Variants in UBE2K observed in about 807,000 individuals in gnomAD.
The protein encoded by UBE2K is ubiquitin conjugating enzyme E2 K.
In UBE2K, 6 loss-of-function variants were observed where a neutral mutation model predicts 30.0. The observed-to-expected ratio is 0.20, with a 90% CI of 0.11 to 0.39. The LOEUF is 0.39. Ranked by LOEUF, UBE2K falls within the 10% of genes least tolerant of loss-of-function variation. The probability of loss-of-function intolerance (pLI) is 1.00; values close to 1 mark genes in which losing one functional copy is unlikely to be tolerated. For missense variants in UBE2K, 61 were observed against 241.6 expected, an observed-to-expected ratio of 0.25 and a Z score of 4.96; for synonymous variants, 86 against 83.7, an observed-to-expected ratio of 1.03 and a Z score of -0.15.
At chr4:39,753,060 A>G (rs1010047303) in intron 3 of UBE2K, among the ~76,000 whole-genome samples, 11 of 152,188 alleles carry the variant, frequency 7.2e-5, no homozygotes, top group Non-Finnish European at 1.6e-4. Context: ...CTCAACCTGT[A>G]TTAAGATGTG....
chr4:39,743,740 T>C (rs1720832231), intron 2 of UBE2K, among the ~76,000 whole-genome samples: 2 of 152,258 alleles, frequency 1.3e-5, no homozygotes, highest in Admixed American at 6.5e-5. Context: ...AATATTTCAA[T>C]AGAACAGTTT....
intron 4 of UBE2K, among the ~76,000 whole-genome samples, chr4:39,760,805 A>G (rs957115462): frequency 2.0e-5 from 3 of 151,752 alleles, no homozygotes; most frequent in Non-Finnish European, 1.5e-5. Flanking sequence ...AAAAATTAAA[A>G]CAAATAAAAA....
At chr4:39,756,037 A>C (rs558795175) in intron 4 of UBE2K, among the ~76,000 whole-genome samples, 1 of 152,366 alleles carries the variant, frequency 6.6e-6, no homozygotes, top group East Asian at 1.9e-4. Context: ...TTTGTGAAAG[A>C]CTAAAAAAGT....
intron 4 of UBE2K, among the ~76,000 whole-genome samples, chr4:39,757,834 C>G (rs1000376429): frequency 6.6e-6 from 1 of 152,166 alleles, no homozygotes; most frequent in Non-Finnish European, 1.5e-5. Context: ...CTTTCCTATG[C>G]TCACTCCCAG....
intron 2 of UBE2K, 62 bp downstream of exon 2, chr4:39,737,575 C>A: frequency 9.3e-7 from 1 of 1,078,450 alleles, no homozygotes. Flanking sequence ...AACATTTAAT[C>A]AGAATAATCT....
At chr4:39,716,474 C>A (rs1482544101) in intron 1 of UBE2K, among the ~76,000 whole-genome samples, 5 of 152,158 alleles carry the variant, frequency 3.3e-5, no homozygotes, top group African/African-American at 4.8e-5. Flanking sequence ...GTCTCAAACT[C>A]CTAGGCTCAA....
intron 4 of UBE2K, 84 bp downstream of exon 4, chr4:39,755,823 C>A: frequency 1.0e-6 from 1 of 1,001,576 alleles, no homozygotes; most frequent in African/African-American, 1.7e-5. Context: ...TGCCTCAAAA[C>A]ATATATTATA....
At chr4:39,739,033 CTT>C (rs34727929) in intron 2 of UBE2K, among the ~76,000 whole-genome samples, 2,698 of 146,984 alleles carry the variant, frequency 0.018, 83 homozygotes, top group African/African-American at 0.064. Context: ...ACCCAAAACA[CTT>C]TTTTTTTTTT....
chr4:39,735,763 TAAG>T (rs1159183451), intron 1 of UBE2K, among the ~76,000 whole-genome samples: 1 of 152,186 alleles, frequency 6.6e-6, no homozygotes, highest in Non-Finnish European at 1.5e-5. Context: ...TTTTAGGGCA[TAAG>T]AAGTAGTTTC....
chr4:39,771,482 T>G, intron 4 of UBE2K: 1 of 1,505,758 alleles, frequency 6.6e-7, no homozygotes, highest in Non-Finnish European at 8.8e-7. Context: ...GCGCTGTTTT[T>G]TTTTAATCCC....
intron 4 of UBE2K, 120 bp downstream of exon 4, chr4:39,755,859 T>C (rs1220277416): frequency 5.2e-6 from 3 of 582,104 alleles, no homozygotes; most frequent in African/African-American, 5.9e-5. Context: ...GCAGTAACTT[T>C]AAAAGTCTCT....
intron 1 of UBE2K, among the ~76,000 whole-genome samples, chr4:39,722,673 A>G (rs1164863568): frequency 6.7e-6 from 1 of 150,132 alleles, no homozygotes; most frequent in Non-Finnish European, 1.5e-5. Flanking sequence ...GAGAAAACCC[A>G]CAAAGACGTG....
intron 1 of UBE2K, among the ~76,000 whole-genome samples, chr4:39,699,427 C>A (rs1267432892): frequency 6.6e-6 from 1 of 152,146 alleles, no homozygotes; most frequent in African/African-American, 2.4e-5. Flanking sequence ...AGTTGCCTCC[C>A]GTTGCTCTTA....
chr4:39,765,132 G>A (rs533282073), intron 4 of UBE2K, among the ~76,000 whole-genome samples: 1 of 152,226 alleles, frequency 6.6e-6, no homozygotes, highest in African/African-American at 2.4e-5. Context: ...TGATCCGCCC[G>A]CCTTGGCCTC....
chr4:39,755,602 A>C, intron 3 of UBE2K, 55 bp from the exon 4 acceptor site: 1 of 1,270,770 alleles, frequency 7.9e-7, no homozygotes, highest in Non-Finnish European at 1.1e-6. Context: ...TTGTAGTTCT[A>C]CTTAAACTGT....
chr4:39,715,508 C>T (rs1051001295), intron 1 of UBE2K, among the ~76,000 whole-genome samples: 3 of 151,566 alleles, frequency 2.0e-5, no homozygotes, highest in Non-Finnish European at 4.4e-5. Context: ...GGGTTTTTCA[C>T]GATGTTGGCC....
rs1354761879 is a variant in UBE2K at position 39,757,011 on chromosome 4, G to GTTTTTTTTTTTTTTT, written c.299+1278_299+1279insTTTTTTTTTTTTTTT. Among the ~76,000 whole-genome samples the GTTTTTTTTTTTTTTT allele has an allele frequency of 1.7e-3, 132 of 76,782 alleles. 17 individuals carry two copies. The highest frequency in any genetic ancestry group is 8.5e-3 in the East Asian group (17 of 2,006). The allele number at this position is 76,782 out of a possible 152,430, so 50.4% of individuals were successfully genotyped here. The stretch of plus-strand genomic sequence containing the variant: ...ATGTTTTTTTGGGTGTTTTTTTTTT[G>GTTTTTTTTTTTTTTT]TTTTTTGTTTTTTGTTTTTTGTTTT... On this transcript the variant is annotated intron_variant, in intron 4 of 6. Transcript: ENST00000261427.
At chr4:39,775,569 G>A (rs1158844664) in intron 5 of UBE2K, among the ~76,000 whole-genome samples, 1 of 152,064 alleles carries the variant, frequency 6.6e-6, no homozygotes, top group South Asian at 2.1e-4. Flanking sequence ...CCTGACCAAC[G>A]TGGTGAAATC....
chr4:39,698,312 A>G lies in UBE2K; in HGVS notation c.-16A>G, dbSNP rs577810076. 6.2e-7 allele frequency: 1 copy of G among 1,609,314 alleles called. No individual in the cohort carries two copies. The highest frequency in any genetic ancestry group is 8.5e-7 in the Non-Finnish European group (1 of 1,178,098). On this transcript the variant is annotated 5_prime_UTR_variant, in exon 1 of 7. Coordinates refer to ENST00000261427, the MANE Select transcript of UBE2K (RefSeq NM_005339.5). ...GTGGCGGAGGAGGCGGGTACGAATCAGCTGCGGGCGGAGACATGGCCAACA... is the reference window on the plus strand; with the variant it reads ...GTGGCGGAGGAGGCGGGTACGAATCGGCTGCGGGCGGAGACATGGCCAACA...
Sources: gnomAD v4.1 joint callset for allele counts (sites outside exome capture counted in the v4.1 genomes callset) on GRCh38, gnomAD v4.1.1 for gene constraint, MANE v1.5 for transcripts, NCBI Gene and HGNC (gene_info 2026-07-23, HGNC 2026-07-21) for gene names.